Variants in CFAP20DC observed in about 807,000 individuals in gnomAD.
CFAP20DC encodes CFAP20 domain containing.
In CFAP20DC, 84 loss-of-function variants were observed where a neutral mutation model predicts 101.7. That is an observed-to-expected ratio of 0.83 (90% CI 0.69 to 0.99). CFAP20DC has a LOEUF of 0.99. Ranked by LOEUF, CFAP20DC falls within the 50% of genes least tolerant of loss-of-function variation. CFAP20DC has a pLI of 0.00. For missense variants in CFAP20DC, 1,007 were observed against 970.3 expected, an observed-to-expected ratio of 1.04 and a Z score of -0.50; for synonymous variants, 359 against 351.2, an observed-to-expected ratio of 1.02 and a Z score of -0.25.
At chr3:58,907,390 T>C (rs1256471664) in intron 6 of CFAP20DC, among the ~76,000 whole-genome samples, 1 of 152,186 alleles carries the variant, frequency 6.6e-6, no homozygotes, top group African/African-American at 2.4e-5. Context: ...AATACACTAT[T>C]ACATGTAAGG....
intron 14 of CFAP20DC, among the ~76,000 whole-genome samples, chr3:58,816,940 T>C (rs923912318): frequency 4.6e-5 from 7 of 152,064 alleles, no homozygotes; most frequent in African/African-American, 1.4e-4. Context: ...CAGCTGGAGA[T>C]CTGAGAACCA....
At chr3:58,820,223 A>G (rs1325562662) in intron 14 of CFAP20DC, among the ~76,000 whole-genome samples, 2 of 150,176 alleles carry the variant, frequency 1.3e-5, no homozygotes, top group Non-Finnish European at 3.0e-5. Flanking sequence ...TTCCCTTTGA[A>G]AACTGGCACA....
rs376500506 is a variant in CFAP20DC, at chr3:59,035,111, C to G, written c.278+4446G>C. ...ATGACTACTGGGTAAATAATGAAAT[C>G]AAGGCAGAAATAAATAAGTTCTTTG... On this transcript the variant is annotated intron_variant, in intron 4 of 16. Transcript: ENST00000482387. Among the ~76,000 whole-genome samples the G allele has an allele frequency of 3.2e-3, 487 of 152,134 alleles. 4 individuals are homozygous for G. The highest frequency in any genetic ancestry group is 0.011 in the African/African-American group (469 of 41,528).
At chr3:58,991,722 A>C (rs1435641715) in intron 4 of CFAP20DC, among the ~76,000 whole-genome samples, 2 of 152,096 alleles carry the variant, frequency 1.3e-5, no homozygotes, top group African/African-American at 4.8e-5. Context: ...CTGCTCTCCT[A>C]CGAGAATCTA....
At chr3:59,035,775 G>C (rs2094089968) in intron 4 of CFAP20DC, among the ~76,000 whole-genome samples, 1 of 152,010 alleles carries the variant, frequency 6.6e-6, no homozygotes, top group East Asian at 1.9e-4. Flanking sequence ...GTACAAAGAG[G>C]ATCTGGTACC....
chr3:58,784,307 T>C (rs2072117658), intron 15 of CFAP20DC, among the ~76,000 whole-genome samples: 1 of 151,926 alleles, frequency 6.6e-6, no homozygotes, highest in African/African-American at 2.4e-5. Context: ...ATGTACCAAA[T>C]ATTCCATGAT....
At chr3:58,784,778 C>CA (rs1192335358) in intron 15 of CFAP20DC, among the ~76,000 whole-genome samples, 1 of 151,988 alleles carries the variant, frequency 6.6e-6, no homozygotes, top group African/African-American at 2.4e-5. Flanking sequence ...CTTATATTCC[C>CA]ACCAAAAGTA....
At chr3:58,994,963 C>T (rs1576633258) in intron 4 of CFAP20DC, among the ~76,000 whole-genome samples, 1 of 152,222 alleles carries the variant, frequency 6.6e-6, no homozygotes, top group South Asian at 2.1e-4. Context: ...GTTAAGGTTA[C>T]AGGAAGACAA....
At position 59,015,370 on chromosome 3, in the gene CFAP20DC, GGAA is replaced by G. The variant is rs992049997; in HGVS notation, c.278+24184_278+24186del. Among the ~76,000 whole-genome samples the G allele has an allele frequency of 2.0e-5, 3 of 151,444 alleles. No homozygotes were observed. Among genetic ancestry groups the G allele is most frequent in the South Asian group, 2.1e-4 (1 of 4,796 alleles). On this transcript the variant is annotated intron_variant, in intron 4 of 16. Transcript: ENST00000482387. This position sits in a 1 kb window ranked among gnomAD's most constrained non-coding sequence, Gnocchi z 5.4. ...AAAGGAAGAAGGAAAAGAAAAATTA[GGAA>G]GAAGAAGAATAAAAGAAGTAAAAGG...
chr3:58,948,699 T>A (rs1208119525), intron 4 of CFAP20DC, among the ~76,000 whole-genome samples: 3 of 152,248 alleles, frequency 2.0e-5, no homozygotes, highest in African/African-American at 4.8e-5. Flanking sequence ...GCCCGTATTT[T>A]ATTGAGGATT....
At chr3:58,808,784 G>A (rs1248119731) in intron 14 of CFAP20DC, among the ~76,000 whole-genome samples, 5 of 152,092 alleles carry the variant, frequency 3.3e-5, no homozygotes, top group Non-Finnish European at 5.9e-5. Flanking sequence ...TGGATAAAGA[G>A]TCAAGACCCA....
intron 13 of CFAP20DC, among the ~76,000 whole-genome samples, chr3:58,835,281 G>T (rs974230081): frequency 6.6e-6 from 1 of 152,164 alleles, no homozygotes; most frequent in African/African-American, 2.4e-5. Context: ...GATGCCTGAG[G>T]AATGCAGCAC....
At chr3:58,875,443 G>C (rs2080665934) in intron 7 of CFAP20DC, among the ~76,000 whole-genome samples, 1 of 152,108 alleles carries the variant, frequency 6.6e-6, no homozygotes, top group Non-Finnish European at 1.5e-5. Flanking sequence ...AGAGAAAAAT[G>C]GGTGCGGAGA....
chr3:58,869,684 T>C lies in CFAP20DC; in HGVS notation c.853-194A>G, dbSNP rs2079979207. Among the ~76,000 whole-genome samples, 1 of 152,114 alleles carries C rather than the reference T, an allele frequency of 6.6e-6. No individual in the cohort carries two copies. Among genetic ancestry groups the C allele is most frequent in the Admixed American group, 6.5e-5 (1 of 15,278 alleles). On this transcript the variant is annotated intron_variant, in intron 8 of 16. Transcript: ENST00000482387. The surrounding 1 kb of genome is among the most constrained non-coding windows in gnomAD (Gnocchi z 4.3). ...GAAGGAGAAAAATAACGAGATAAAA[T>C]AGAAGACATGCAAGTCTCCTAGACA...
intron 15 of CFAP20DC, among the ~76,000 whole-genome samples, chr3:58,798,956 T>C (rs1405398541): frequency 6.6e-6 from 1 of 152,244 alleles, no homozygotes; most frequent in Non-Finnish European, 1.5e-5. Flanking sequence ...TAAAGAATAG[T>C]AACATAACTT....
Position 58,922,358 on chromosome 3 carries a change from G to C in CFAP20DC, c.394-8494C>G, listed in dbSNP as rs183909138. On this transcript the variant is annotated intron_variant, in intron 5 of 16. Transcript: ENST00000482387. ...CAATTGGCTGACTAGTTATTGCTAC[G>C]GTTTGGATATGGCTTATTTGGCCCC... Among the ~76,000 whole-genome samples the C allele has an allele frequency of 1.8e-3, 281 of 152,210 alleles. 1 individual carries two copies. Among genetic ancestry groups the C allele is most frequent in the Middle Eastern group, 6.8e-3 (2 of 294 alleles).
chr3:59,002,718 C>A lies in CFAP20DC; in HGVS notation c.278+36839G>T, dbSNP rs1013851364. Among the ~76,000 whole-genome samples, 1 of 152,124 alleles carries A rather than the reference C, an allele frequency of 6.6e-6. No homozygotes were observed. Among genetic ancestry groups the A allele is most frequent in the African/African-American group, 2.4e-5 (1 of 41,430 alleles). On this transcript the variant is annotated intron_variant, in intron 4 of 16. Transcript: ENST00000482387. The surrounding 1 kb of genome is among the most constrained non-coding windows in gnomAD (Gnocchi z 4.5). ...ATCAATGAGGATTGGTTCTATTTTTCTTCAACTTTCTTCCTCACTCAAAGA... is the reference window on the plus strand; with the variant it reads ...ATCAATGAGGATTGGTTCTATTTTTATTCAACTTTCTTCCTCACTCAAAGA...
In CFAP20DC at chr3:59,015,038, G is replaced by A. The variant is rs1392795195; in HGVS notation, c.278+24519C>T. On this transcript the variant is annotated intron_variant, in intron 4 of 16. Transcript: ENST00000482387. The surrounding 1 kb of genome is among the most constrained non-coding windows in gnomAD (Gnocchi z 5.4). The stretch of plus-strand genomic sequence containing the variant: ...CATTTACCAGTACAGAACATTTTGC[G>A]AGCTCATTTCTGAGGTTAGGATGTG... Among the ~76,000 whole-genome samples, 1 of 152,036 alleles carries A rather than the reference G, an allele frequency of 6.6e-6. No homozygotes were observed. Among genetic ancestry groups the A allele is most frequent in the Non-Finnish European group, 1.5e-5 (1 of 67,990 alleles).
intron 4 of CFAP20DC, among the ~76,000 whole-genome samples, chr3:59,029,997 C>T (rs966140406): frequency 2.6e-5 from 4 of 152,132 alleles, no homozygotes. Context: ...ATCCAGTGGG[C>T]ATGGGAGACA....
Sources: gnomAD v4.1 joint callset for allele counts (sites outside exome capture counted in the v4.1 genomes callset) on GRCh38, gnomAD v4.1.1 for gene constraint, Gnocchi (gnomAD v3.1) non-coding constraint, MANE v1.5 for transcripts, NCBI Gene and HGNC (gene_info 2026-07-23, HGNC 2026-07-21) for gene names.